Variants in RREB1 observed in about 807,000 individuals in gnomAD.
RREB1 encodes ras responsive element binding protein 1.
A neutral mutation model predicts 117.8 loss-of-function variants in RREB1; 27 were observed. That is an observed-to-expected ratio of 0.23 (90% confidence interval 0.17 to 0.32). The LOEUF (loss-of-function observed/expected upper bound fraction) is 0.32. Ranked by LOEUF, RREB1 falls within the 10% of genes least tolerant of loss-of-function variation. RREB1 has a pLI of 1.00. For missense variants in RREB1, 2,577 were observed against 2,378.2 expected (o/e 1.08, Z -1.74); for synonymous variants, 1,298 against 1,026.7 (o/e 1.26, Z -5.05).
chr6:7,144,150 TAA>T (rs1561742557), intron 1 of RREB1, among the ~76,000 whole-genome samples: 1 of 152,088 alleles, frequency 6.6e-6, no homozygotes, highest in African/African-American at 2.4e-5. Flanking sequence ...TATTATTTCC[TAA>T]GTCATTATAT....
intron 5 of RREB1, among the ~76,000 whole-genome samples, chr6:7,188,902 G>A (rs1765248281): frequency 6.6e-6 from 1 of 152,160 alleles, no homozygotes; most frequent in South Asian, 2.1e-4. Context: ...ACCTGGGAAG[G>A]CTCTACTTCT....
At chr6:7,119,918 G>T (rs1761597289) in intron 1 of RREB1, among the ~76,000 whole-genome samples, 1 of 152,144 alleles carries the variant, frequency 6.6e-6, no homozygotes, top group African/African-American at 2.4e-5. Flanking sequence ...AGGTTTAAGA[G>T]GTGGGAGGGG....
chr6:7,166,857 A>G (rs936971455), intron 1 of RREB1, among the ~76,000 whole-genome samples: 1 of 152,170 alleles, frequency 6.6e-6, no homozygotes, highest in African/African-American at 2.4e-5. Context: ...TTCCCTGAGC[A>G]TGTCAGAAAG....
At chr6:7,197,701 G>A (rs1330183016) in intron 6 of RREB1, among the ~76,000 whole-genome samples, 1 of 152,124 alleles carries the variant, frequency 6.6e-6, no homozygotes, top group Non-Finnish European at 1.5e-5. Context: ...GGAAATCCTT[G>A]GAACATCATC....
chr6:7,246,557 C>T lies in RREB1; in HGVS notation c.4107C>T (p.Ala1369=), dbSNP rs1170375639. The T allele has an allele frequency of 1.9e-6, 3 of 1,548,702 alleles. No homozygotes were observed. The highest frequency in any genetic ancestry group is 2.4e-5 in the East Asian group (1 of 41,138). Residue 1369 remains alanine, a synonymous_variant, in exon 12 of 13, where the codon GCC becomes GCT. Coordinates refer to ENST00000379938, the MANE Select transcript of RREB1 (RefSeq NM_001003699.4). The part of the protein sequence containing the change: ...QVAGDAPVEQ[A]TAETASPVHR... Reference sequence around the variant, plus strand: ...CAGGGGATGCGCCTGTGGAGCAGGCCACGGCGGAAACGGCCTCGCCGGTGC... The same window carrying T: ...CAGGGGATGCGCCTGTGGAGCAGGCTACGGCGGAAACGGCCTCGCCGGTGC...
chr6:7,136,922 CAG>C (rs1762368800), intron 1 of RREB1, among the ~76,000 whole-genome samples: 1 of 152,162 alleles, frequency 6.6e-6, no homozygotes, highest in Non-Finnish European at 1.5e-5. Flanking sequence ...GGCAGTGAAA[CAG>C]AAACTTGATA....
chr6:7,163,068 GAGAA>G (rs1458160020), intron 1 of RREB1, among the ~76,000 whole-genome samples: 2 of 152,134 alleles, frequency 1.3e-5, no homozygotes, highest in African/African-American at 2.4e-5. Context: ...AGTAGGGTAA[GAGAA>G]AGCCATCACC....
At chr6:7,196,808 A>G (rs890646442) in intron 6 of RREB1, among the ~76,000 whole-genome samples, 8 of 152,192 alleles carry the variant, frequency 5.3e-5, no homozygotes, top group African/African-American at 9.7e-5. Flanking sequence ...ACTTGCCTGT[A>G]TGCAGATTCT....
At chr6:7,182,201 C>A in intron 4 of RREB1, 119 bp downstream of exon 4, 1 of 920,852 alleles carries the variant, frequency 1.1e-6, no homozygotes, top group Non-Finnish European at 1.6e-6. Context: ...CGGACATACC[C>A]AGAGGCCTTG....
intron 1 of RREB1, among the ~76,000 whole-genome samples, chr6:7,121,177 C>T (rs1761665175): frequency 1.3e-5 from 2 of 152,060 alleles, no homozygotes; most frequent in Admixed American, 1.3e-4. Flanking sequence ...CCAGGCTGAT[C>T]TCAAACTCCT....
intron 1 of RREB1, among the ~76,000 whole-genome samples, chr6:7,161,468 GGTACAACTGTTCATAGA>G (rs932958667): frequency 2.6e-5 from 4 of 152,132 alleles, no homozygotes; most frequent in African/African-American, 4.8e-5. Context: ...AAGAGAAAGA[GGTACAACTGTTCATAGA>G]GTTCAGTTTG....
chr6:7,246,572 C>T lies in RREB1; in HGVS notation c.4122C>T (p.Ala1374=). 6.5e-7 allele frequency: 1 copy of T among 1,550,266 alleles called. No individual in the cohort carries two copies. Among genetic ancestry groups the T allele is most frequent in the Non-Finnish European group, 8.7e-7 (1 of 1,147,268 alleles). ...TGGAGCAGGCCACGGCGGAAACGGC[C>T]TCGCCGGTGCACCGGGAAGAGCACG... ...APVEQATAET[A]SPVHREEHGR... The change falls in exon 12 of 13, where the codon GCC becomes GCT. Residue 1374 remains alanine, a synonymous_variant. Coordinates refer to ENST00000379938, the MANE Select transcript of RREB1 (RefSeq NM_001003699.4).
chr6:7,109,241 G>A (rs943435841), intron 1 of RREB1, among the ~76,000 whole-genome samples: 74 of 151,870 alleles, frequency 4.9e-4, no homozygotes, highest in African/African-American at 1.6e-3. Flanking sequence ...GGGGGAGGGG[G>A]CCTGTTGCTG....
At chr6:7,150,984 A>C (rs2113425259) in intron 1 of RREB1, among the ~76,000 whole-genome samples, 1 of 152,352 alleles carries the variant, frequency 6.6e-6, no homozygotes, top group East Asian at 1.9e-4. Flanking sequence ...CCCGGAGATC[A>C]GCCTCCATGC....
At chr6:7,205,191 T>C (rs1172170580) in intron 6 of RREB1, among the ~76,000 whole-genome samples, 1 of 152,188 alleles carries the variant, frequency 6.6e-6, no homozygotes, top group African/African-American at 2.4e-5. Context: ...CTGCAGGGCT[T>C]GTGCAAGCCA....
At chr6:7,171,203 G>T (rs994250025) in intron 1 of RREB1, among the ~76,000 whole-genome samples, 2 of 152,234 alleles carry the variant, frequency 1.3e-5, no homozygotes, top group African/African-American at 4.8e-5. Context: ...ACTTTGCAGA[G>T]CAAGCGTAGT....
At chr6:7,167,928 C>T (rs1374216938) in intron 1 of RREB1, among the ~76,000 whole-genome samples, 2 of 152,184 alleles carry the variant, frequency 1.3e-5, no homozygotes, top group Middle Eastern at 3.4e-3. Context: ...TCGGTGGCTC[C>T]ATTGATGGCA....
At chr6:7,199,620 A>ATGTGTGTGTGCTTGGGTTTTG in intron 6 of RREB1, among the ~76,000 whole-genome samples, 1 of 151,822 alleles carries the variant, frequency 6.6e-6, no homozygotes, top group Non-Finnish European at 1.5e-5. Flanking sequence ...TTACATATAT[A>ATGTGTGTGTGCTTGGGTTTTG]TGTGTGTGTG....
intron 1 of RREB1, among the ~76,000 whole-genome samples, chr6:7,171,324 G>A (rs757192367): frequency 2.8e-4 from 43 of 152,126 alleles, no homozygotes; most frequent in Non-Finnish European, 3.8e-4. Flanking sequence ...AGAGCACTCC[G>A]CCTTCCTGCC....
Sources: allele counts gnomAD v4.1 joint callset (sites outside exome capture counted in the v4.1 genomes callset), GRCh38; gene constraint gnomAD v4.1.1; transcripts MANE v1.5; gene names NCBI Gene and HGNC (gene_info 2026-07-23, HGNC 2026-07-21).